The following SELENOM variants were observed in gnomAD, a reference collection of about 807,000 sequenced individuals.
SELENOM encodes selenoprotein SelM.
A neutral mutation model predicts 14.5 loss-of-function variants in SELENOM; 17 were observed. That is an observed-to-expected ratio of 1.17 (90% CI 0.80 to 1.76). The LOEUF is 1.76. SELENOM is among the 40% of genes most tolerant of loss of function. The pLI is 0.00. For missense variants in SELENOM, 230 were observed against 204.6 expected (o/e 1.12, Z -0.76); for synonymous variants, 102 against 93.3 (o/e 1.09, Z -0.54).
At position 31,107,533 on chromosome 22, in the gene SELENOM, G is replaced by T; in HGVS notation, c.-28C>A. On this transcript the variant is annotated 5_prime_UTR_variant, in exon 1 of 5. Transcript: ENST00000400299. Reference sequence around the variant, plus strand: ...GGACCCGGCCGCAGATGATGCGCAAGCTGGAGGCGAACCTCCGAGTCGCTG... The same window carrying T: ...GGACCCGGCCGCAGATGATGCGCAATCTGGAGGCGAACCTCCGAGTCGCTG... 6.6e-7 allele frequency: 1 copy of T among 1,515,216 alleles called. No homozygotes were observed. 93.9% of individuals were successfully genotyped at this position (1,515,216 alleles called of 1,614,324 possible).
Position 31,105,302 on chromosome 22 carries a change from AGGAGCGG to A in SELENOM, c.201-23_201-17del. 1.9e-6 allele frequency: 3 copies of A among 1,604,230 alleles called. No homozygotes were observed. Among genetic ancestry groups the A allele is most frequent in the Non-Finnish European group, 2.6e-6 (3 of 1,175,272 alleles). ...CAGGTTGTGACTGGAGGTGGTGTTAAGGAGCGGGGTGGTGGGCAGAGGGAGGTGGTGG... is the reference window on the plus strand; with the variant it reads ...CAGGTTGTGACTGGAGGTGGTGTTAAGGTGGTGGGCAGAGGGAGGTGGTGG... On this transcript the variant is annotated splice_polypyrimidine_tract_variant and intron_variant, in intron 3 of 4. Coordinates refer to ENST00000400299, the MANE Select transcript of SELENOM (RefSeq NM_080430.4).
intron 1 of SELENOM, 113 bp downstream of exon 1, chr22:31,107,263 GA>G (rs1316566140): frequency 6.9e-6 from 9 of 1,308,268 alleles, no homozygotes; most frequent in Non-Finnish European, 9.2e-6. Context: ...GCGCCAGGGG[GA>G]AAGCAGGGAG....
chr22:31,107,329 G>T (rs2147853448), intron 1 of SELENOM, 48 bp downstream of exon 1: 1 of 1,556,478 alleles, frequency 6.4e-7, no homozygotes, highest in Non-Finnish European at 8.7e-7. Flanking sequence ...CCATGGGGCC[G>T]CAGGGTTGGG....
chr22:31,107,382 C>G lies in SELENOM; in HGVS notation c.124G>C (p.Val42Leu). 1 of 1,594,794 alleles carries G rather than the reference C, an allele frequency of 6.3e-7. No homozygotes were observed. Among genetic ancestry groups the G allele is most frequent in the South Asian group, 1.1e-5 (1 of 88,226 alleles). Residue 42 changes from valine to leucine, a missense_variant, in exon 1 of 5, where the codon GTA becomes CTA. Transcript: ENST00000400299. Reference protein sequence around the residue: ...NRLSGLTRARVETCGGUQLNR... With the variant: ...NRLSGLTRARLETCGGUQLNR... ...CTGGAGGCCGGCGTACTCACCTCTA[C>G]CCGGGCGCGGGTTAGGCCGCTCAGA... is the stretch of plus-strand genomic sequence containing the variant.
In SELENOM at chr22:31,104,857, G is replaced by A; in HGVS notation, c.*113C>T. 8.1e-7 allele frequency: 1 copy of A among 1,237,150 alleles called. No individual in the cohort carries two copies. Among genetic ancestry groups the A allele is most frequent in the South Asian group, 1.7e-5 (1 of 60,478 alleles). 76.6% of individuals were successfully genotyped at this position (1,237,150 alleles called of 1,614,324 possible). ...AACCTCCCCAACCCCATCCCTGCTG[G>A]CCCGGGGACGGGCATCGGCTCTCAG... On this transcript the variant is annotated 3_prime_UTR_variant, in exon 5 of 5. Coordinates refer to ENST00000400299, the MANE Select transcript of SELENOM (RefSeq NM_080430.4).
Position 31,105,107 on chromosome 22 carries a change from T to C in SELENOM, c.301A>G (p.Thr101Ala), listed in dbSNP as rs779393593. The stretch of plus-strand genomic sequence containing the variant: ...ACTAGCGCATTGATCTCTTCGCGGG[T>C]CATTTCACTGAGTGGGATGCGCTGA... The part of the protein sequence containing the change: ...ELERIPLSEM[T>A]REEINALVQE... Residue 101 changes from threonine to alanine, a missense_variant, in exon 5 of 5, where the codon ACC becomes GCC. Physicochemically the swap from Thr to Ala is moderately conservative, Grantham distance 58. Transcript: ENST00000400299. The C allele has an allele frequency of 3.1e-6, 5 of 1,613,376 alleles. No individual in the cohort carries two copies. The highest frequency in any genetic ancestry group is 3.4e-6 in the Non-Finnish European group (4 of 1,179,808).
chr22:31,107,271 G>A, intron 1 of SELENOM, 106 bp downstream of exon 1: 2 of 1,354,762 alleles, frequency 1.5e-6, no homozygotes, highest in South Asian at 2.9e-5. Flanking sequence ...GGGAAAGCAG[G>A]GAGACTCGCG....
intron 1 of SELENOM, 52 bp from the exon 2 acceptor site, chr22:31,106,017 TCA>T: frequency 1.3e-6 from 2 of 1,534,204 alleles, no homozygotes; most frequent in South Asian, 2.2e-5. Flanking sequence ...TTTATTCCAG[TCA>T]CATCCCCAAA....
rs372862700 is a variant in SELENOM at position 31,105,929 on chromosome 22, C to T, written c.165+1G>A. Reference sequence around the variant, plus strand: ...CTAGGGACCTCTTCCTTCAAACTCACCTCCTTTAGGCGGTTCAGCTGTCAT... The same window carrying T: ...CTAGGGACCTCTTCCTTCAAACTCATCTCCTTTAGGCGGTTCAGCTGTCAT... On this transcript the variant is annotated splice_donor_variant, in intron 2 of 4. Transcript: ENST00000400299. LOFTEE classifies it high-confidence loss of function. 393 of 1,613,950 alleles carry T rather than the reference C, an allele frequency of 2.4e-4. 1 individual carries two copies. The highest frequency in any genetic ancestry group is 3.2e-4 in the Non-Finnish European group (381 of 1,179,946).
At position 31,106,026 on chromosome 22, in the gene SELENOM, C is replaced by T; in HGVS notation, c.130-61G>A. The T allele has an allele frequency of 3.4e-6, 5 of 1,466,948 alleles. No homozygotes were observed. The South Asian group carries it at 4.5e-5, about 13-fold the overall frequency. 90.9% of individuals were successfully genotyped at this position (1,466,948 alleles called of 1,614,324 possible). On this transcript the variant is annotated intron_variant, in intron 1 of 4. Coordinates refer to ENST00000400299, the MANE Select transcript of SELENOM (RefSeq NM_080430.4). ...TTCACGTTTATTCCAGTCACATCCC[C>T]AAAGCCATACTTCCTTATCCCTGAG...
chr22:31,104,867 G>A lies in SELENOM; in HGVS notation c.*103C>T, dbSNP rs978399661. 4 of 1,308,042 alleles carry A rather than the reference G, an allele frequency of 3.1e-6. No homozygotes were observed. Among genetic ancestry groups the A allele is most frequent in the East Asian group, 2.6e-5 (1 of 38,670 alleles). The allele number at this position is 1,308,042 out of a possible 1,614,324, so 81.0% of individuals were successfully genotyped here. On this transcript the variant is annotated 3_prime_UTR_variant, in exon 5 of 5. Transcript: ENST00000400299. ...ACCCCATCCCTGCTGGCCCGGGGACGGGCATCGGCTCTCAGCAAGAGAAGT... is the reference window on the plus strand; with the variant it reads ...ACCCCATCCCTGCTGGCCCGGGGACAGGCATCGGCTCTCAGCAAGAGAAGT...
chr22:31,105,180 G>A, intron 4 of SELENOM, 28 bp downstream of exon 4: 3 of 1,612,976 alleles, frequency 1.9e-6, no homozygotes, highest in Non-Finnish European at 2.5e-6. Flanking sequence ...CTCTGGCCTC[G>A]CCCCCAGCCC....
chr22:31,106,251 T>C (rs897616604), intron 1 of SELENOM: 9 of 518,646 alleles, frequency 1.7e-5, no homozygotes, highest in African/African-American at 5.8e-5. Context: ...GGCTGTGGAC[T>C]GACTCCCAAT....
At chr22:31,106,232 C>T in intron 1 of SELENOM, 1 of 559,074 alleles carries the variant, frequency 1.8e-6, no homozygotes, top group South Asian at 2.0e-5. Flanking sequence ...GGGGCCTGTA[C>T]ATCCTACTGG....
At chr22:31,107,177 C>G in intron 1 of SELENOM, 200 bp downstream of exon 1, 1 of 637,450 alleles carries the variant, frequency 1.6e-6, no homozygotes. Flanking sequence ...AGTTCCAGGC[C>G]CCAAAGTCGG....
At chr22:31,106,659 T>C in intron 1 of SELENOM, 1 of 163,250 alleles carries the variant, frequency 6.1e-6, no homozygotes, top group Non-Finnish European at 1.3e-5. Context: ...ACTCCTGGGC[T>C]CAAGCAATCC....
chr22:31,105,642 C>G lies in SELENOM; in HGVS notation c.200+16G>C. 1 of 1,613,680 alleles carries G rather than the reference C, an allele frequency of 6.2e-7. No individual in the cohort carries two copies. Among genetic ancestry groups the G allele is most frequent in the African/African-American group, 1.3e-5 (1 of 74,992 alleles). On this transcript the variant is annotated intron_variant, in intron 3 of 4. Transcript: ENST00000400299. ...GGTGCCCATCCCATTTCCCCTCCCCCAGAACAGAAGGATACTAGAATGGAA... is the reference window on the plus strand; with the variant it reads ...GGTGCCCATCCCATTTCCCCTCCCCGAGAACAGAAGGATACTAGAATGGAA...
rs1424759501 is a variant in SELENOM, at chr22:31,107,499, G to A, written c.7C>T (p.Leu3Phe). ...AGCAGCGCCAGCGGAGGCAACAGGA[G>A]GCTCATCGGGACCCGGCCGCAGATG... MS[L>F]LLPPLALLLL... The change falls in exon 1 of 5, where the codon CTC (leucine) becomes TTC (phenylalanine). Residue 3 changes from leucine (L) to phenylalanine (F), a missense_variant. Physicochemically the swap from Leu to Phe is conservative, Grantham distance 22. Coordinates refer to ENST00000400299, the MANE Select transcript of SELENOM (RefSeq NM_080430.4). The A allele has an allele frequency of 2.6e-6, 4 of 1,549,844 alleles. No individual in the cohort carries two copies. The highest frequency in any genetic ancestry group is 3.5e-6 in the Non-Finnish European group (4 of 1,149,850).
intron 1 of SELENOM, chr22:31,107,057 A>C: frequency 1.3e-5 from 3 of 237,934 alleles, no homozygotes; most frequent in Non-Finnish European, 2.5e-5. Context: ...GGGGATGGGA[A>C]GTTGGGACAG....
Sources: gnomAD v4.1 joint callset for allele counts on GRCh38, gnomAD v4.1.1 for gene constraint, MANE v1.5 for transcripts, NCBI Gene and HGNC (gene_info 2026-07-23, HGNC 2026-07-21) for gene names.